Variants in ISM1 observed in about 807,000 individuals in gnomAD.
ISM1 encodes isthmin 1, also known as isthmin-1.
Under a neutral mutation model 46.3 loss-of-function variants are expected in ISM1, and 25 were observed. The observed-to-expected ratio is 0.54, with a 90% CI of 0.39 to 0.75. The LOEUF is 0.75. Ranked by LOEUF, ISM1 falls within the 30% of genes least tolerant of loss-of-function variation. ISM1 has a pLI of 0.00. For synonymous variants in ISM1, 255 were observed against 256.7 expected (o/e 0.99, Z 0.06); for missense variants, 536 against 625.4 (o/e 0.86, Z 1.52).
chr20:13,221,981 C>T (rs1568658053), intron 1 of ISM1, 67 bp downstream of exon 1: 7 of 1,263,718 alleles, frequency 5.5e-6, no homozygotes, highest in Non-Finnish European at 7.0e-6. Flanking sequence ...GGGTGCTGAG[C>T]TAGTGCCGGG....
intron 5 of ISM1, 71 bp from the exon 6 acceptor site, chr20:13,298,871 A>G (rs1027169564): frequency 4.5e-5 from 68 of 1,509,942 alleles, no homozygotes; most frequent in Middle Eastern, 1.8e-4. Context: ...CTGGTGTCAC[A>G]TGCTCCTTGA....
chr20:13,225,725 T>A (rs2039516894), intron 1 of ISM1, among the ~76,000 whole-genome samples: 1 of 152,244 alleles, frequency 6.6e-6, no homozygotes, highest in Non-Finnish European at 1.5e-5. Flanking sequence ...GAAAACTATC[T>A]GCAGTAGCTG....
intron 1 of ISM1, among the ~76,000 whole-genome samples, chr20:13,232,022 A>G (rs2039593770): frequency 6.6e-6 from 1 of 152,246 alleles, no homozygotes; most frequent in African/African-American, 2.4e-5. Flanking sequence ...ACTTCCTCCC[A>G]TAAGCATCCA....
At chr20:13,260,221 C>T (rs73261082) in intron 1 of ISM1, among the ~76,000 whole-genome samples, 34 of 152,304 alleles carry the variant, frequency 2.2e-4, no homozygotes, top group African/African-American at 7.7e-4. Flanking sequence ...CCTATGACAG[C>T]TCTATAATTG....
the ISM1 span, among the ~76,000 whole-genome samples, chr20:13,311,241 G>T: frequency 1.0e-5 from 1 of 98,876 alleles, no homozygotes; most frequent in South Asian, 3.2e-4. Flanking sequence ...TAGATAGATA[G>T]ATGATAGATA....
At chr20:13,318,680 A>G in the ISM1 span, among the ~76,000 whole-genome samples, 1 of 152,228 alleles carries the variant, frequency 6.6e-6, no homozygotes, top group African/African-American at 2.4e-5. Flanking sequence ...AGTGCTGGCT[A>G]TCCAGTGCTA....
chr20:13,247,517 G>GGGGT (rs1183213178), intron 1 of ISM1, among the ~76,000 whole-genome samples: 2,595 of 139,880 alleles, frequency 0.019, 23 homozygotes, highest in African/African-American at 0.029. Context: ...CAAAGTGAGG[G>GGGGT]GTGTGTGTGT....
chr20:13,252,839 C>T (rs2039882962), intron 1 of ISM1, among the ~76,000 whole-genome samples: 1 of 152,134 alleles, frequency 6.6e-6, no homozygotes, highest in African/African-American at 2.4e-5. Flanking sequence ...TTTTTCTCCA[C>T]TCTCTCTTGT....
chr20:13,263,684 T>C (rs768831034), intron 1 of ISM1, among the ~76,000 whole-genome samples: 1 of 151,920 alleles, frequency 6.6e-6, no homozygotes, highest in Non-Finnish European at 1.5e-5. Context: ...TAGAAGAAAA[T>C]GGAGTGTTTG....
At position 13,229,607 on chromosome 20, in the gene ISM1, G is replaced by A. The variant is rs865899513; in HGVS notation, c.138+7693G>A. Among the ~76,000 whole-genome samples the A allele has an allele frequency of 1.2e-4, 18 of 152,226 alleles. No homozygotes were observed. The Middle Eastern group carries it at 0.01, about 86-fold the overall frequency. On this transcript the variant is annotated intron_variant, in intron 1 of 5. Coordinates refer to ENST00000262487, the MANE Select transcript of ISM1 (RefSeq NM_080826.2). Reference sequence around the variant, plus strand: ...TTGTTTCCATTGCTTTGCATATTATGAGTAAGACCATGTTAGTATTCTTAC... The same window carrying A: ...TTGTTTCCATTGCTTTGCATATTATAAGTAAGACCATGTTAGTATTCTTAC...
At chr20:13,273,357 C>T (rs1403643238) in intron 2 of ISM1, among the ~76,000 whole-genome samples, 1 of 151,952 alleles carries the variant, frequency 6.6e-6, no homozygotes, top group Non-Finnish European at 1.5e-5. Flanking sequence ...ACCTCAGCCT[C>T]CTGAGTAGCT....
chr20:13,310,968 T>C, the ISM1 span, among the ~76,000 whole-genome samples: 1 of 152,006 alleles, frequency 6.6e-6, no homozygotes, highest in Non-Finnish European at 1.5e-5. Flanking sequence ...CTGAGGCGAG[T>C]GGATCACCTG....
At chr20:13,223,156 CAAAA>C (rs369659111) in intron 1 of ISM1, among the ~76,000 whole-genome samples, 6 of 120,130 alleles carry the variant, frequency 5.0e-5, no homozygotes, top group Non-Finnish European at 6.9e-5. Context: ...GACTCCGTCT[CAAAA>C]AAAAAATAAA....
At chr20:13,307,350 A>G in the ISM1 span, among the ~76,000 whole-genome samples, 1 of 152,196 alleles carries the variant, frequency 6.6e-6, no homozygotes, top group Non-Finnish European at 1.5e-5. Context: ...GGCTCAATGA[A>G]TTTTCACAAA....
At chr20:13,292,486 T>A (rs1156991737) in intron 5 of ISM1, 23 bp downstream of exon 5, 3 of 1,461,712 alleles carry the variant, frequency 2.1e-6, no homozygotes, top group Non-Finnish European at 2.8e-6. Context: ...TCTTTTTTAA[T>A]CCAAATATTG....
the ISM1 span, among the ~76,000 whole-genome samples, chr20:13,320,003 C>A: frequency 6.6e-6 from 1 of 152,210 alleles, no homozygotes. Flanking sequence ...GGGTTGGGGG[C>A]TGGAGAGTCT....
chr20:13,310,139 C>T, the ISM1 span, among the ~76,000 whole-genome samples: 1 of 152,228 alleles, frequency 6.6e-6, no homozygotes, highest in Non-Finnish European at 1.5e-5. Flanking sequence ...CCAAAGCAAT[C>T]TTGAGCAAAA....
the ISM1 span, among the ~76,000 whole-genome samples, chr20:13,319,468 A>C: frequency 1.3e-5 from 2 of 152,192 alleles, no homozygotes; most frequent in African/African-American, 4.8e-5. Flanking sequence ...TCCTGACTTA[A>C]TCCTAACAGG....
intron 1 of ISM1, among the ~76,000 whole-genome samples, chr20:13,269,897 G>A (rs1201959542): frequency 1.3e-5 from 2 of 151,874 alleles, no homozygotes; most frequent in Non-Finnish European, 2.9e-5. Flanking sequence ...TAGAATGGTT[G>A]GCATTTGATG....
Sources: allele counts gnomAD v4.1 joint callset (sites outside exome capture counted in the v4.1 genomes callset), GRCh38; gene constraint gnomAD v4.1.1; transcripts MANE v1.5; gene names NCBI Gene and HGNC (gene_info 2026-07-23, HGNC 2026-07-21).